The following OVCH2 variants were observed in gnomAD, a reference collection of about 807,000 sequenced individuals.
The protein encoded by OVCH2 is ovochymase 2.
OVCH2 carries 88 observed loss-of-function variants against 73.7 expected under a neutral mutation model. That is an observed-to-expected ratio of 1.19 (90% CI 1.01 to 1.43). OVCH2 has a LOEUF of 1.43. Ranked by LOEUF, OVCH2 falls within the 40% of genes most tolerant of loss-of-function variation. The pLI is 0.00. For missense variants in OVCH2, 706 were observed against 674.5 expected (o/e 1.05, Z -0.52); for synonymous variants, 265 against 234.5 (o/e 1.13, Z -1.19).
intron 12 of OVCH2, 136 bp downstream of exon 12, chr11:7,694,922 T>C: frequency 1.0e-6 from 1 of 984,906 alleles, no homozygotes; most frequent in Non-Finnish European, 1.4e-6. Flanking sequence ...TTGACAGCTT[T>C]GTGTGTCAGG....
In OVCH2 at chr11:7,700,329, CT is replaced by C; in HGVS notation, c.867del (p.Val290CysfsTer28). On this transcript the variant is annotated frameshift_variant, in exon 7 of 16. Coordinates refer to ENST00000533663, the MANE Select transcript of OVCH2 (RefSeq NM_198185.7). LOFTEE classifies it high-confidence loss of function. ...GSPGIFTDISKVLPWIHEHIQ... is the reference protein window; with the variant it reads ...GSPGIFTDISXVLPWIHEHIQ... ...ATGTGTTCGTGGATCCAGGGAAGCA[CT>C]TTACTAATGTCTGTGAAGATCCCAG... The C allele has an allele frequency of 6.2e-7, 1 of 1,613,852 alleles. No individual in the cohort carries two copies. The highest frequency in any genetic ancestry group is 8.5e-7 in the Non-Finnish European group (1 of 1,179,838).
rs748071674 is a variant in OVCH2 at position 7,704,606 on chromosome 11, G to A, written c.157C>T (p.Leu53Phe). 4.3e-6 allele frequency: 7 copies of A among 1,612,650 alleles called. No individual in the cohort carries two copies. The highest frequency in any genetic ancestry group is 3.3e-5 in the Admixed American group (2 of 59,816). The change falls in exon 2 of 16, where the codon CTT becomes TTT. Residue 53 changes from leucine (L) to phenylalanine (F), a missense_variant. By Grantham distance (22) the Leu-to-Phe change is conservative. Transcript: ENST00000533663. ...WNYFNIFSRI[L>F]GGSQVEKGSY... is the part of the protein sequence containing the mutation. Reference sequence around the variant, plus strand: ...CCCTTCTCCACTTGGCTTCCTCCAAGAATGCGACTGAAAATGTTAAAATAA... The same window carrying A: ...CCCTTCTCCACTTGGCTTCCTCCAAAAATGCGACTGAAAATGTTAAAATAA...
intron 7 of OVCH2, 36 bp from the exon 8 acceptor site, chr11:7,698,809 G>A (rs1481184205): frequency 6.2e-7 from 1 of 1,608,960 alleles, no homozygotes; most frequent in Non-Finnish European, 8.5e-7. Flanking sequence ...TTGAAAGCCT[G>A]TGGTATCCTG....
intron 7 of OVCH2, chr11:7,699,061 G>A: frequency 2.9e-6 from 1 of 341,248 alleles, no homozygotes; most frequent in Admixed American, 4.5e-5. Flanking sequence ...GCTAGAGATG[G>A]AAATAGTTTG....
At chr11:7,692,591 A>C (rs369153141) in intron 12 of OVCH2, among the ~76,000 whole-genome samples, 9 of 152,360 alleles carry the variant, frequency 5.9e-5, no homozygotes, top group African/African-American at 2.2e-4. Context: ...ACAAAGTATC[A>C]TCTGAGCTAC....
At chr11:7,684,587 C>T (rs2136146069), downstream of OVCH2, among the ~76,000 whole-genome samples, 1 of 150,928 alleles carries the variant, frequency 6.6e-6, no homozygotes, top group South Asian at 2.1e-4. Flanking sequence ...TATTAGAGCA[C>T]ATTTTTTTCG....
At chr11:7,694,149 C>G (rs1298248117) in intron 12 of OVCH2, among the ~76,000 whole-genome samples, 1 of 152,132 alleles carries the variant, frequency 6.6e-6, no homozygotes, top group Admixed American at 6.5e-5. Context: ...CGTACACTGT[C>G]TTGTTTTCAA....
rs939515909 is a variant in OVCH2, at chr11:7,700,502, C to T, written c.712-17G>A. On this transcript the variant is annotated splice_polypyrimidine_tract_variant and intron_variant, in intron 6 of 15. Coordinates refer to ENST00000533663, the MANE Select transcript of OVCH2 (RefSeq NM_198185.7). Reference sequence around the variant, plus strand: ...TGAATCTCCCTGCAGAGGGAAAAAGCCTCTATTAGCATCACTGTCAGTGTC... The same window carrying T: ...TGAATCTCCCTGCAGAGGGAAAAAGTCTCTATTAGCATCACTGTCAGTGTC... The T allele has an allele frequency of 1.9e-6, 3 of 1,584,428 alleles. No individual in the cohort carries two copies. Among genetic ancestry groups the T allele is most frequent in the Admixed American group, 3.6e-5 (2 of 55,262 alleles).
chr11:7,702,606 A>T (rs187726941), intron 3 of OVCH2, among the ~76,000 whole-genome samples: 2 of 152,340 alleles, frequency 1.3e-5, no homozygotes, highest in African/African-American at 4.8e-5. Context: ...AGAGAGGCAC[A>T]TACATTGTAG....
At chr11:7,694,250 C>G (rs1856278093) in intron 12 of OVCH2, among the ~76,000 whole-genome samples, 1 of 152,200 alleles carries the variant, frequency 6.6e-6, no homozygotes, top group African/African-American at 2.4e-5. Flanking sequence ...GATGATATCT[C>G]TCTGCAGATG....
chr11:7,701,748 C>G lies in OVCH2; in HGVS notation c.527G>C (p.Cys176Ser), dbSNP rs751998448. ...LREQFEAGFI[C>S]TTAGWGRLTE... ...TAAGCGGCCCCAGCCTGCAGTTGTACAAATAAAACCAGCCTCAAATTGCTC... is the reference window on the plus strand; with the variant it reads ...TAAGCGGCCCCAGCCTGCAGTTGTAGAAATAAAACCAGCCTCAAATTGCTC... The change falls in exon 5 of 16, where the codon TGT (cysteine) becomes TCT (serine). Residue 176 changes from cysteine to serine, a missense_variant. By Grantham distance (112) the Cys-to-Ser change is moderately radical. Coordinates refer to ENST00000533663, the MANE Select transcript of OVCH2 (RefSeq NM_198185.7). 3.1e-6 allele frequency: 5 copies of G among 1,612,500 alleles called. No individual in the cohort carries two copies. Among genetic ancestry groups the G allele is most frequent in the Non-Finnish European group, 4.2e-6 (5 of 1,179,440 alleles).
the OVCH2 span, among the ~76,000 whole-genome samples, chr11:7,681,003 T>C: frequency 6.6e-6 from 1 of 152,228 alleles, no homozygotes; most frequent in Non-Finnish European, 1.5e-5. Context: ...AGTCACATCT[T>C]CAGCTCATTG....
intron 10 of OVCH2, among the ~76,000 whole-genome samples, chr11:7,696,107 T>C (rs1383926869): frequency 1.3e-5 from 2 of 152,204 alleles, no homozygotes; most frequent in African/African-American, 4.8e-5. Flanking sequence ...TTTTCCTTCT[T>C]AGCTTGATGA....
Position 7,691,902 on chromosome 11 carries a change from C to A in OVCH2, c.1507G>T (p.Ala503Ser). 6.4e-7 allele frequency: 1 copy of A among 1,561,966 alleles called. No individual in the cohort carries two copies. The highest frequency in any genetic ancestry group is 8.7e-7 in the Non-Finnish European group (1 of 1,151,640). ...GAGCTGAGGCTCAGAGGACACAAACCTATTTCCTTCTTCCTTTCTACATCG... is the reference window on the plus strand; with the variant it reads ...GAGCTGAGGCTCAGAGGACACAAACATATTTCCTTCTTCCTTTCTACATCG... Reference protein sequence around the residue: ...HSDVERKKEIARLCGYDVPTP... With the variant: ...HSDVERKKEISRLCGYDVPTP... The change falls in exon 13 of 16, where the codon GCT (alanine) becomes TCT (serine). Residue 503 changes from alanine (A) to serine (S), a missense_variant and splice_region_variant. Ala to Ser is a moderately conservative substitution (Grantham distance 99). Coordinates refer to ENST00000533663, the MANE Select transcript of OVCH2 (RefSeq NM_198185.7).
chr11:7,693,377 A>G (rs180932936), intron 12 of OVCH2, among the ~76,000 whole-genome samples: 31 of 152,330 alleles, frequency 2.0e-4, no homozygotes, highest in African/African-American at 7.5e-4. Context: ...TTTTCTCTCC[A>G]AGTCAAATGG....
downstream of OVCH2, among the ~76,000 whole-genome samples, chr11:7,688,954 A>G (rs34303985): frequency 0.19 from 28,928 of 152,182 alleles, 3,112 homozygotes; most frequent in African/African-American, 0.29. Context: ...ACTCGAGATG[A>G]GAATTTATTC....
chr11:7,687,307 G>T (rs1478924387), downstream of OVCH2, among the ~76,000 whole-genome samples: 1 of 92,918 alleles, frequency 1.1e-5, no homozygotes, highest in Non-Finnish European at 2.1e-5. Flanking sequence ...GATGGCTGTG[G>T]AAATAATAAT....
At chr11:7,684,503 CAT>C (rs978748923), downstream of OVCH2, among the ~76,000 whole-genome samples, 17 of 97,212 alleles carry the variant, frequency 1.7e-4, no homozygotes, top group South Asian at 3.2e-4. Flanking sequence ...CACATACATA[CAT>C]ATGTGTGTGT....
At chr11:7,697,711 C>A (rs1856363354) in intron 8 of OVCH2, among the ~76,000 whole-genome samples, 1 of 152,154 alleles carries the variant, frequency 6.6e-6, no homozygotes, top group Non-Finnish European at 1.5e-5. Flanking sequence ...ATCCTCATTT[C>A]TCGTTTCTAT....
Sources: gnomAD v4.1 joint callset for allele counts (sites outside exome capture counted in the v4.1 genomes callset) on GRCh38, gnomAD v4.1.1 for gene constraint, MANE v1.5 for transcripts, NCBI Gene and HGNC (gene_info 2026-07-23, HGNC 2026-07-21) for gene names.